The following FBXO15 variants were observed in gnomAD, a reference collection of about 807,000 sequenced individuals.
The protein encoded by FBXO15 is F-box only protein 15.
In FBXO15, 30 loss-of-function variants were observed where a neutral mutation model predicts 49.5. The observed-to-expected ratio is 0.61, with a 90% CI of 0.45 to 0.82. The LOEUF (loss-of-function observed/expected upper bound fraction) is 0.82, where lower values mean the gene tolerates loss of function less well. FBXO15 is among the 40% of genes least tolerant of loss of function. The pLI is 0.00. For synonymous variants in FBXO15, 250 were observed against 232.7 expected (o/e 1.07, Z -0.68); for missense variants, 591 against 631.5 (o/e 0.94, Z 0.69).
chr18:74,113,691 C>T (rs1239454809), intron 8 of FBXO15, among the ~76,000 whole-genome samples: 1 of 152,164 alleles, frequency 6.6e-6, no homozygotes, highest in African/African-American at 2.4e-5. Context: ...ATTCCTCTTC[C>T]TCTCAATACT....
At chr18:74,113,188 G>A (rs184203027) in intron 8 of FBXO15, among the ~76,000 whole-genome samples, 9 of 152,258 alleles carry the variant, frequency 5.9e-5, no homozygotes, top group South Asian at 2.1e-4. Flanking sequence ...ACCGAAAGAC[G>A]CTGGTCTGAA....
chr18:74,140,675 C>T (rs1979018996), intron 1 of FBXO15: 1 of 220,524 alleles, frequency 4.5e-6, no homozygotes, highest in African/African-American at 2.3e-5. Flanking sequence ...GAGGAAGAGG[C>T]AGTGAAACCT....
At chr18:74,108,386 T>G (rs1025233542) in intron 8 of FBXO15, among the ~76,000 whole-genome samples, 5 of 151,896 alleles carry the variant, frequency 3.3e-5, no homozygotes, top group African/African-American at 9.7e-5. Context: ...TGCCAGAGAT[T>G]AAAAACCCGG....
chr18:74,120,907 T>C (rs1279715775), intron 8 of FBXO15, among the ~76,000 whole-genome samples: 1 of 151,896 alleles, frequency 6.6e-6, no homozygotes, highest in Non-Finnish European at 1.5e-5. Flanking sequence ...ATGAATAAAA[T>C]TGATAAACTT....
chr18:74,085,463 G>A (rs1912696589), intron 8 of FBXO15, among the ~76,000 whole-genome samples: 1 of 152,140 alleles, frequency 6.6e-6, no homozygotes, highest in South Asian at 2.1e-4. Flanking sequence ...TGTGGTGGCA[G>A]GCATCTGTAA....
chr18:74,078,158 A>G (rs1912331863), intron 9 of FBXO15, among the ~76,000 whole-genome samples: 1 of 152,142 alleles, frequency 6.6e-6, no homozygotes, highest in South Asian at 2.1e-4. Context: ...CTGCTGCCAG[A>G]TCAAGAGCTG....
At chr18:74,127,503 C>T (rs1369806306) in intron 5 of FBXO15, among the ~76,000 whole-genome samples, 1 of 152,202 alleles carries the variant, frequency 6.6e-6, no homozygotes, top group African/African-American at 2.4e-5. Flanking sequence ...AAAAACTTCT[C>T]ATAGAGGAAA....
chr18:74,096,744 G>T (rs1015000298), intron 8 of FBXO15, among the ~76,000 whole-genome samples: 2 of 151,780 alleles, frequency 1.3e-5, no homozygotes, highest in Admixed American at 1.3e-4. Context: ...ATTCAAAATG[G>T]TAGTTTTAAG....
At chr18:74,133,500 T>G (rs1354553973) in intron 3 of FBXO15, among the ~76,000 whole-genome samples, 1 of 152,222 alleles carries the variant, frequency 6.6e-6, no homozygotes, top group African/African-American at 2.4e-5. Context: ...TAGTTTTAGA[T>G]ATTTGGTTGA....
intron 8 of FBXO15, chr18:74,099,941 G>T (rs1325539542): frequency 6.6e-6 from 1 of 152,108 alleles, no homozygotes; most frequent in African/African-American, 2.4e-5. Context: ...CCTAAGAAAT[G>T]AGATACACAG....
chr18:74,123,508 G>C lies in FBXO15; in HGVS notation c.998C>G (p.Pro333Arg). The C allele has an allele frequency of 6.3e-7, 1 of 1,588,690 alleles. No individual in the cohort carries two copies. Among genetic ancestry groups the C allele is most frequent in the Non-Finnish European group, 8.5e-7 (1 of 1,173,458 alleles). ...ERSTLGSATI[P>R]YELPPHSPFL... The stretch of plus-strand genomic sequence containing the variant: ...GGGGCTATGTGGAGGCAGTTCATAG[G>C]GGCTGAAAAGCAAAACAAAAGAAAC... Residue 333 changes from proline to arginine, a missense_variant and splice_region_variant, in exon 8 of 10, where the codon CCC becomes CGC. By Grantham distance (103) the Pro-to-Arg change is moderately radical. Coordinates refer to ENST00000419743, the MANE Select transcript of FBXO15 (RefSeq NM_001142958.2).
chr18:74,146,885 T>G (rs1423526605), intron 1 of FBXO15: 3 of 152,128 alleles, frequency 2.0e-5, no homozygotes, highest in Admixed American at 6.5e-5. Flanking sequence ...TTTCCCTATT[T>G]ATAAATCAAG....
chr18:74,079,066 A>T (rs1466298276), intron 9 of FBXO15, among the ~76,000 whole-genome samples: 1 of 152,242 alleles, frequency 6.6e-6, no homozygotes, highest in Non-Finnish European at 1.5e-5. Flanking sequence ...CCACAGAACT[A>T]CACTGAAATA....
chr18:74,107,512 G>A (rs2145156965), intron 8 of FBXO15, among the ~76,000 whole-genome samples: 1 of 152,226 alleles, frequency 6.6e-6, no homozygotes, highest in South Asian at 2.1e-4. Context: ...GCAAACCACT[G>A]TCCCAAAATT....
intron 8 of FBXO15, among the ~76,000 whole-genome samples, chr18:74,113,878 TTCCTG>T (rs981080625): frequency 6.6e-6 from 1 of 152,232 alleles, no homozygotes; most frequent in Non-Finnish European, 1.5e-5. Flanking sequence ...ACTGGACTAT[TTCCTG>T]TCTTCTCTTT....
chr18:74,074,448 G>C lies in FBXO15; in HGVS notation c.1264-718C>G, dbSNP rs751450162. 6.6e-6 allele frequency among the ~76,000 whole-genome samples: 1 copy of C among 152,068 alleles called. No individual in the cohort carries two copies. Among genetic ancestry groups the C allele is most frequent in the African/African-American group, 2.4e-5 (1 of 41,398 alleles). On this transcript the variant is annotated intron_variant, in intron 9 of 9. Coordinates refer to ENST00000419743, the MANE Select transcript of FBXO15 (RefSeq NM_001142958.2). This position sits in a 1 kb window ranked among gnomAD's most constrained non-coding sequence, Gnocchi z 4.7. ...TGGTCAACTCCATGACCTCCTCCTC[G>C]ACTTGACCTCAGTTATTCACTCCCA...
intron 1 of FBXO15, among the ~76,000 whole-genome samples, chr18:74,141,727 C>T (rs1166964133): frequency 6.6e-6 from 1 of 152,148 alleles, no homozygotes; most frequent in Admixed American, 6.5e-5. Flanking sequence ...TTAGATGACA[C>T]AAGTGGTGAA....
intron 2 of FBXO15, 72 bp downstream of exon 2, chr18:74,140,130 A>G (rs191633511): frequency 3.2e-5 from 41 of 1,281,654 alleles, no homozygotes; most frequent in Admixed American, 8.8e-5. Flanking sequence ...TGGTATATAC[A>G]GCATCATAAC....
Position 74,106,903 on chromosome 18 carries a change from C to T in FBXO15, c.1138+16465G>A, listed in dbSNP as rs549996582. ...AAAACCCAAACAATGGAATATTATA[C>T]AAATTTTCAAGAACTATTTAGTGGC... On this transcript the variant is annotated intron_variant, in intron 8 of 9. Coordinates refer to ENST00000419743, the MANE Select transcript of FBXO15 (RefSeq NM_001142958.2). Among the ~76,000 whole-genome samples, 22 of 151,998 alleles carry T rather than the reference C, an allele frequency of 1.4e-4. No individual in the cohort carries two copies. The East Asian group carries it at 4.2e-3, about 29-fold the overall frequency.
Sources: gnomAD v4.1 joint callset for allele counts (sites outside exome capture counted in the v4.1 genomes callset) on GRCh38, gnomAD v4.1.1 for gene constraint, Gnocchi (gnomAD v3.1) non-coding constraint, MANE v1.5 for transcripts, NCBI Gene and HGNC (gene_info 2026-07-23, HGNC 2026-07-21) for gene names.